The following SHANK2 variants were observed in gnomAD, a reference collection of about 807,000 sequenced individuals.
The protein encoded by SHANK2 is SH3 and multiple ankyrin repeat domains 2.
SHANK2 carries 43 observed loss-of-function variants against 133.7 expected under a neutral mutation model. The ratio of observed to expected loss-of-function variants is 0.32; its 90% CI spans 0.25 to 0.41. The LOEUF (loss-of-function observed/expected upper bound fraction) is 0.41. Ranked by LOEUF, SHANK2 falls within the 10% of genes least tolerant of loss-of-function variation. SHANK2 has a pLI of 1.00. For synonymous variants in SHANK2, 1,017 were observed against 952.8 expected, an observed-to-expected ratio of 1.07 and a Z score of -1.24; for missense variants, 1,994 against 2,235.8, an observed-to-expected ratio of 0.89 and a Z score of 2.18.
intron 15 of SHANK2, among the ~76,000 whole-genome samples, chr11:70,679,415 G>A (rs904217617): frequency 2.6e-5 from 4 of 152,202 alleles, no homozygotes; most frequent in Non-Finnish European, 4.4e-5. Flanking sequence ...GCCTATCCCC[G>A]GACCATCAGG....
chr11:70,679,316 C>T (rs918607388), intron 15 of SHANK2, among the ~76,000 whole-genome samples: 7 of 152,210 alleles, frequency 4.6e-5, no homozygotes, highest in South Asian at 4.1e-4. Flanking sequence ...TGGCAAATGG[C>T]GGAGCTGGGC....
At chr11:70,728,237 T>G (rs782486780) in intron 14 of SHANK2, among the ~76,000 whole-genome samples, 25 of 152,056 alleles carry the variant, frequency 1.6e-4, no homozygotes, top group Non-Finnish European at 2.4e-4. Context: ...ATCCAACAAA[T>G]GAGAGTGTCC....
At chr11:70,496,947 T>C (rs1299231251) in intron 21 of SHANK2, 1 of 456,642 alleles carries the variant, frequency 2.2e-6, no homozygotes, top group Non-Finnish European at 4.4e-6. Flanking sequence ...TCCCTGAAAC[T>C]GTGGCCACCT....
intron 10 of SHANK2, among the ~76,000 whole-genome samples, chr11:70,914,262 G>C (rs1258767430): frequency 6.6e-6 from 1 of 152,100 alleles, no homozygotes; most frequent in African/African-American, 2.4e-5. Flanking sequence ...GGGTTCCGCT[G>C]AGACACAGAG....
At chr11:71,218,342 G>C (rs1248288393) in intron 2 of SHANK2, among the ~76,000 whole-genome samples, 1 of 133,006 alleles carries the variant, frequency 7.5e-6, no homozygotes. Flanking sequence ...TTGCCTCACC[G>C]CAACCTGCGC....
intron 1 of SHANK2, among the ~76,000 whole-genome samples, chr11:71,235,497 G>A (rs1954815591): frequency 1.3e-5 from 2 of 151,888 alleles, no homozygotes; most frequent in African/African-American, 2.4e-5. Flanking sequence ...GGGAGGCTGA[G>A]GCAGGAAAAT....
rs1285358788 is a variant in SHANK2, at chr11:70,472,474, C to T, written c.*395G>A. 2 of 280,488 alleles carry T rather than the reference C, an allele frequency of 7.1e-6. No individual in the cohort carries two copies. The highest frequency in any genetic ancestry group is 4.4e-5 in the African/African-American group (2 of 45,322). The allele number at this position is 280,488 out of a possible 1,614,324, so 17.4% of individuals were successfully genotyped here. On this transcript the variant is annotated 3_prime_UTR_variant, in exon 26 of 26. Transcript: ENST00000601538. The surrounding 1 kb of genome is among the most constrained non-coding windows in gnomAD (Gnocchi z 4.4). Reference sequence around the variant, plus strand: ...GGGGTGGTGAGAGCTGCCCGGAAAGCAGAGGACGGAGGTCTCAGGAGGTAT... The same window carrying T: ...GGGGTGGTGAGAGCTGCCCGGAAAGTAGAGGACGGAGGTCTCAGGAGGTAT...
rs546725727 is a variant in SHANK2, at chr11:70,492,616, C to G, written c.2309-151G>C. On this transcript the variant is annotated intron_variant, in intron 21 of 25. Coordinates refer to ENST00000601538, the MANE Select transcript of SHANK2 (RefSeq NM_012309.5). ...TGTGAGGAGCATGCGTGTGCCTCTG[C>G]CACATGCATTCCCACTGGGGCATGG... The G allele has an allele frequency of 5.0e-5, 51 of 1,021,828 alleles. 1 individual carries two copies. The African/African-American group carries it at 6.6e-4, about 13-fold the overall frequency. 63.3% of individuals were successfully genotyped at this position (1,021,828 alleles called of 1,614,324 possible).
chr11:70,931,226 G>T lies in SHANK2; in HGVS notation c.1108-34659C>A, dbSNP rs116686324. On this transcript the variant is annotated intron_variant, in intron 10 of 25. Coordinates refer to ENST00000601538, the MANE Select transcript of SHANK2 (RefSeq NM_012309.5). ...CAGGGGCTGCAGGGAGGGAGGTTAA[G>T]GGGAGGCTAGTGATAGGGTTTCTTT... Among the ~76,000 whole-genome samples, 758 of 152,258 alleles carry T rather than the reference G, an allele frequency of 5.0e-3. 9 individuals carry two copies. The highest frequency in any genetic ancestry group is 0.017 in the African/African-American group (722 of 41,558).
At chr11:70,506,123 G>A (rs905064129) in intron 17 of SHANK2, among the ~76,000 whole-genome samples, 7 of 152,186 alleles carry the variant, frequency 4.6e-5, no homozygotes, top group African/African-American at 1.4e-4. Context: ...CACTCATGGG[G>A]GATTCTCAGG....
rs568681104 is a variant in SHANK2 at position 70,838,413 on chromosome 11, GGA to G, written c.1175-17733_1175-17732del. Among the ~76,000 whole-genome samples the G allele has an allele frequency of 2.6e-3, 400 of 152,244 alleles. 2 individuals are homozygous for G. The highest frequency in any genetic ancestry group is 9.8e-3 in the South Asian group (47 of 4,820). ...TGCTGGTCATTGTGTTTGTTATGTC[GGA>G]GAGACTCTAGGTTCTGTTATCTTCC... On this transcript the variant is annotated intron_variant, in intron 11 of 25. Transcript: ENST00000601538.
At chr11:70,897,601 G>C (rs1555075935) in intron 10 of SHANK2, among the ~76,000 whole-genome samples, 1 of 152,182 alleles carries the variant, frequency 6.6e-6, no homozygotes, top group Non-Finnish European at 1.5e-5. Flanking sequence ...CCAGGAGTGG[G>C]GTGTGGCTAT....
chr11:71,140,781 G>T (rs1356762124), intron 3 of SHANK2, among the ~76,000 whole-genome samples: 1 of 152,196 alleles, frequency 6.6e-6, no homozygotes, highest in Non-Finnish European at 1.5e-5. Flanking sequence ...AGAGTGAATG[G>T]CGAGGGAGAC....
At chr11:71,069,856 G>A (rs1951119702) in intron 9 of SHANK2, among the ~76,000 whole-genome samples, 2 of 152,174 alleles carry the variant, frequency 1.3e-5, no homozygotes, top group East Asian at 1.9e-4. Context: ...TGAACAGTCT[G>A]TTGTTCAACA....
rs139783985 is a variant in SHANK2, at chr11:71,219,511, T to C, written c.-13+5186A>G. ...CTCATAAAAACATGCTCCACATCAC[T>C]AATCAATAGGAAAATGCAAACCAAA... On this transcript the variant is annotated intron_variant, in intron 2 of 25. Coordinates refer to ENST00000601538, the MANE Select transcript of SHANK2 (RefSeq NM_012309.5). Among the ~76,000 whole-genome samples the C allele has an allele frequency of 7.9e-5, 12 of 152,266 alleles. No homozygotes were observed. The East Asian group carries it at 2.3e-3, about 29-fold the overall frequency.
At chr11:71,091,978 G>A (rs1007960678) in intron 8 of SHANK2, among the ~76,000 whole-genome samples, 3 of 152,162 alleles carry the variant, frequency 2.0e-5, no homozygotes, top group African/African-American at 4.8e-5. Flanking sequence ...TGCAAGGTTG[G>A]GCCTGAAAAA....
intron 5 of SHANK2, 121 bp from the exon 6 acceptor site, chr11:71,110,170 G>T: frequency 8.3e-6 from 6 of 721,320 alleles, no homozygotes; most frequent in South Asian, 8.0e-5. Flanking sequence ...TGCACACGGT[G>T]GCTCACGCCT....
intron 2 of SHANK2, among the ~76,000 whole-genome samples, chr11:71,218,270 T>C (rs1313518670): frequency 2.0e-5 from 3 of 147,286 alleles, no homozygotes; most frequent in East Asian, 3.9e-4. Context: ...TCTTTTTTTT[T>C]TTTTTTTTTT....
At chr11:70,951,768 C>T (rs776629498) in intron 10 of SHANK2, among the ~76,000 whole-genome samples, 18 of 152,186 alleles carry the variant, frequency 1.2e-4, no homozygotes, top group Non-Finnish European at 2.1e-4. Context: ...GGCTGCCCAC[C>T]CCCACCCAAA....
Sources: gnomAD v4.1 joint callset for allele counts (sites outside exome capture counted in the v4.1 genomes callset) on GRCh38, gnomAD v4.1.1 for gene constraint, Gnocchi (gnomAD v3.1) non-coding constraint, MANE v1.5 for transcripts, NCBI Gene and HGNC (gene_info 2026-07-23, HGNC 2026-07-21) for gene names.